The following ERBB3 variants were observed in gnomAD, a reference collection of about 807,000 sequenced individuals.
The protein encoded by ERBB3 is receptor tyrosine-protein kinase erbB-3.
ERBB3 carries 96 observed loss-of-function variants against 156.7 expected under a neutral mutation model. That is an observed-to-expected ratio of 0.61 (90% confidence interval 0.52 to 0.73). The LOEUF (loss-of-function observed/expected upper bound fraction) is 0.73. Ranked by LOEUF, ERBB3 falls within the 30% of genes least tolerant of loss-of-function variation. The probability of loss-of-function intolerance (pLI) is 0.00; values close to 1 mark genes in which losing one functional copy is unlikely to be tolerated. For missense variants in ERBB3, 1,406 were observed against 1,709.4 expected, an observed-to-expected ratio of 0.82 and a Z score of 3.13; for synonymous variants, 567 against 632.0, an observed-to-expected ratio of 0.90 and a Z score of 1.54.
Position 56,088,044 on chromosome 12 carries a change from T to C in ERBB3, c.756T>C (p.Ser252=). ...AGGCCTGCCGGCACTTCAATGACAG[T>C]GGAGCCTGTGTACCTCGCTGTCCAC... is the stretch of plus-strand genomic sequence containing the variant. ...DCFACRHFND[S]GACVPRCPQP... The change falls in exon 7 of 28, where the codon AGT becomes AGC. Residue 252 remains serine, a synonymous_variant. Coordinates refer to ENST00000267101, the MANE Select transcript of ERBB3 (RefSeq NM_001982.4). 1.2e-6 allele frequency: 2 copies of C among 1,614,154 alleles called. No individual in the cohort carries two copies. Among genetic ancestry groups the C allele is most frequent in the Non-Finnish European group, 1.7e-6 (2 of 1,180,008 alleles).
Position 56,101,605 on chromosome 12 carries a change from A to C in ERBB3, c.3579A>C (p.Glu1193Asp). ...TCCTGGGTACTGAAGAAGAAGATGA[A>C]GATGAGGAGTATGAATACATGAACC... ...SSVLGTEEEDEDEEYEYMNRR... is the reference protein window; with the variant it reads ...SSVLGTEEEDDDEEYEYMNRR... Residue 1193 changes from glutamate (E) to aspartate (D), a missense_variant, in exon 28 of 28, where the codon GAA (glutamate) becomes GAC (aspartate). Glu to Asp is a conservative substitution (Grantham distance 45). This residue lies in a region of ERBB3 where 415 missense variants were observed against 454.1 expected (regional missense o/e 0.91). Coordinates refer to ENST00000267101, the MANE Select transcript of ERBB3 (RefSeq NM_001982.4). 6.2e-7 allele frequency: 1 copy of C among 1,614,058 alleles called. No homozygotes were observed. Among genetic ancestry groups the C allele is most frequent in the Non-Finnish European group, 8.5e-7 (1 of 1,180,006 alleles).
rs1332828558 is a variant in ERBB3, at chr12:56,099,635, A to G, written c.2840-13A>G. 3.1e-6 allele frequency: 5 copies of G among 1,609,294 alleles called. No individual in the cohort carries two copies. The African/African-American group carries it at 5.3e-5, about 17-fold the overall frequency. ...TCTCTTTTATGTCTCTACCTCCTAC[A>G]TCTTATCTCCAGGTTGGATGATTGA... On this transcript the variant is annotated splice_polypyrimidine_tract_variant and intron_variant, in intron 23 of 27. Transcript: ENST00000267101.
At position 56,096,612 on chromosome 12, in the gene ERBB3, C is replaced by T. The variant is rs2136817330; in HGVS notation, c.2165C>T (p.Thr722Ile). 6.2e-7 allele frequency: 1 copy of T among 1,614,156 alleles called. No homozygotes were observed. The highest frequency in any genetic ancestry group is 8.5e-7 in the Non-Finnish European group (1 of 1,180,030). Residue 722 changes from threonine to isoleucine, a missense_variant, in exon 18 of 28, where the codon ACT becomes ATT. This residue lies in a region of ERBB3 where 979 missense variants were observed against 1,219.6 expected (regional missense o/e 0.80). Coordinates refer to ENST00000267101, the MANE Select transcript of ERBB3 (RefSeq NM_001982.4). ...GTGCTTGGCTCGGGTGTCTTTGGAA[C>T]TGTGCACAAAGTGAGTGACCCATAG... ...LKVLGSGVFG[T>I]VHKGVWIPEG...
At chr12:56,086,991 A>G (rs772890242) in intron 4 of ERBB3, among the ~76,000 whole-genome samples, 7 of 152,044 alleles carry the variant, frequency 4.6e-5, no homozygotes, top group Non-Finnish European at 8.8e-5. Context: ...TAAAAAAATC[A>G]GACAGGCGTA....
chr12:56,091,211 C>T (rs990252140), intron 9 of ERBB3, among the ~76,000 whole-genome samples: 11 of 138,742 alleles, frequency 7.9e-5, no homozygotes, highest in Admixed American at 7.7e-4. Context: ...AAGCGAGCAC[C>T]TCAGCCCCCT....
intron 2 of ERBB3, 90 bp downstream of exon 2, chr12:56,083,992 G>A: frequency 7.6e-7 from 1 of 1,314,598 alleles, no homozygotes; most frequent in Non-Finnish European, 1.1e-6. Flanking sequence ...TTCTGCTGGA[G>A]TTCACCCTTC....
chr12:56,101,524 C>A lies in ERBB3; in HGVS notation c.3503-5C>A. On this transcript the variant is annotated splice_polypyrimidine_tract_variant and splice_region_variant and intron_variant, in intron 27 of 27. Transcript: ENST00000267101. ...ACATACCTAGCCTTTCTTCTCAACC[C>A]CCAGGTACTCCCTCCTCCCGGGAAG... 6.2e-7 allele frequency: 1 copy of A among 1,613,850 alleles called. No homozygotes were observed. Among genetic ancestry groups the A allele is most frequent in the South Asian group, 1.1e-5 (1 of 91,058 alleles).
At position 56,102,806 on chromosome 12, in the gene ERBB3, T is replaced by TA. The variant is rs4016497; in HGVS notation, c.*779dup. 9,008 of 55,910 alleles carry TA rather than the reference T, an allele frequency of 0.16. 1,853 individuals carry two copies. The highest frequency in any genetic ancestry group is 0.23 in the African/African-American group (2,679 of 11,898). 3.5% of individuals were successfully genotyped at this position (55,910 alleles called of 1,614,324 possible). A position where few individuals can be genotyped will look rare whatever the true frequency, so the allele number is the denominator to read the frequency against. Reference sequence around the variant, plus strand: ...CAACATAGTAAGACCCCCATCTCTTTAAAAAAAAAAAAAAAAAAAAAAAAA... The same window carrying TA: ...CAACATAGTAAGACCCCCATCTCTTTAAAAAAAAAAAAAAAAAAAAAAAAAA... On this transcript the variant is annotated 3_prime_UTR_variant, in exon 28 of 28. Coordinates refer to ENST00000267101, the MANE Select transcript of ERBB3 (RefSeq NM_001982.4).
chr12:56,097,847 A>G lies in ERBB3; in HGVS notation c.2523A>G (p.Leu841=), dbSNP rs1478538113. The change falls in exon 21 of 28, where the codon CTA becomes CTG. Residue 841 remains leucine (L), a synonymous_variant. Coordinates refer to ENST00000267101, the MANE Select transcript of ERBB3 (RefSeq NM_001982.4). Reference sequence around the variant, plus strand: ...GAAACCTGGCTGCCCGAAACGTGCTACTCAAGTCACCCAGTCAGGTTCAGG... The same window carrying G: ...GAAACCTGGCTGCCCGAAACGTGCTGCTCAAGTCACCCAGTCAGGTTCAGG... ...VHRNLAARNV[L]LKSPSQVQVA... is the part of the protein sequence containing the mutation. 2.5e-6 allele frequency: 4 copies of G among 1,614,010 alleles called. No individual in the cohort carries two copies. Among genetic ancestry groups the G allele is most frequent in the Non-Finnish European group, 2.5e-6 (3 of 1,179,998 alleles).
chr12:56,082,092 GCACAGA>G (rs1592224409), intron 1 of ERBB3, among the ~76,000 whole-genome samples: 1 of 152,114 alleles, frequency 6.6e-6, no homozygotes, highest in African/African-American at 2.4e-5. Flanking sequence ...AGCCTTCCAA[GCACAGA>G]CACAAAGTCT....
intron 9 of ERBB3, chr12:56,089,194 C>T (rs1442318642): frequency 6.5e-6 from 3 of 460,186 alleles, no homozygotes; most frequent in Non-Finnish European, 1.3e-5. Flanking sequence ...AGTGCAGTGG[C>T]GTGATCTCGA....
chr12:56,098,686 G>A (rs1466331817), intron 22 of ERBB3, 73 bp from the exon 23 acceptor site: 7 of 1,594,422 alleles, frequency 4.4e-6, no homozygotes, highest in African/African-American at 1.3e-5. Flanking sequence ...GTTAGATCAG[G>A]TTCTGCCTTC....
chr12:56,101,511 T>C lies in ERBB3; in HGVS notation c.3503-18T>C. Reference sequence around the variant, plus strand: ...CATGAAGTTCTTCACATACCTAGCCTTTCTTCTCAACCCCCAGGTACTCCC... The same window carrying C: ...CATGAAGTTCTTCACATACCTAGCCCTTCTTCTCAACCCCCAGGTACTCCC... On this transcript the variant is annotated intron_variant, in intron 27 of 27. Transcript: ENST00000267101. 6.2e-7 allele frequency: 1 copy of C among 1,613,088 alleles called. No homozygotes were observed. The highest frequency in any genetic ancestry group is 8.5e-7 in the Non-Finnish European group (1 of 1,179,516).
Position 56,099,988 on chromosome 12 carries a change from G to A in ERBB3, c.3088G>A (p.Ala1030Thr), listed in dbSNP as rs370221639. Residue 1030 changes from alanine (A) to threonine (T), a missense_variant, in exon 25 of 28, where the codon GCC (alanine) becomes ACC (threonine). Around this residue, in one of 3 missense-constraint regions of ERBB3, gnomAD observed 415 missense variants for 454.1 expected, o/e 0.91. Transcript: ENST00000267101. The part of the protein sequence containing the change: ...DNLATTTLGS[A>T]LSLPVGTLNR... ...CCTGGCAACCACCACACTGGGCTCCGCCCTCAGCCTACCAGTTGGAACACT... is the reference window on the plus strand; with the variant it reads ...CCTGGCAACCACCACACTGGGCTCCACCCTCAGCCTACCAGTTGGAACACT... 5.3e-5 allele frequency: 85 copies of A among 1,614,102 alleles called. 1 individual carries two copies. Among genetic ancestry groups the A allele is most frequent in the East Asian group, 3.6e-4 (16 of 44,898 alleles).
chr12:56,102,085 T>C lies in ERBB3; in HGVS notation c.*30T>C, dbSNP rs1210195146. Reference sequence around the variant, plus strand: ...TGCTCCCTGTGGCACTCAGGGAGCATTTAATGGCAGCTAGTGCCTTTAGAG... The same window carrying C: ...TGCTCCCTGTGGCACTCAGGGAGCACTTAATGGCAGCTAGTGCCTTTAGAG... On this transcript the variant is annotated 3_prime_UTR_variant, in exon 28 of 28. Transcript: ENST00000267101. 30 of 1,591,300 alleles carry C rather than the reference T, an allele frequency of 1.9e-5. No homozygotes were observed. In the Admixed American group the frequency reaches 5.0e-4, roughly 27 times the overall value.
chr12:56,100,400 G>C, intron 26 of ERBB3, 155 bp downstream of exon 26: 1 of 707,408 alleles, frequency 1.4e-6, no homozygotes. Context: ...CCAGCACTTT[G>C]GGAGGCCAGA....
chr12:56,098,945 CTTTTT>C (rs747048773), intron 23 of ERBB3, 40 bp downstream of exon 23: 8 of 1,411,794 alleles, frequency 5.7e-6, no homozygotes, highest in Non-Finnish European at 7.6e-6. Flanking sequence ...CTCTTTTTTT[CTTTTT>C]TTTTCTTTTT....
chr12:56,088,510 C>A, intron 7 of ERBB3, 33 bp from the exon 8 acceptor site: 1 of 1,472,676 alleles, frequency 6.8e-7, no homozygotes, highest in Non-Finnish European at 9.5e-7. Flanking sequence ...GTTCCTCCCT[C>A]ATCTCTAATG....
At chr12:56,098,217 G>C (rs183131399) in intron 21 of ERBB3, 1 of 547,734 alleles carries the variant, frequency 1.8e-6, no homozygotes, top group Non-Finnish European at 3.2e-6. Context: ...ATCCTGGCTA[G>C]CACGGTGAAA....
Sources: gnomAD v4.1 joint callset for allele counts (sites outside exome capture counted in the v4.1 genomes callset) on GRCh38, gnomAD v4.1.1 for gene constraint, gnomAD v4.1.1 regional missense constraint, MANE v1.5 for transcripts, NCBI Gene and HGNC (gene_info 2026-07-23, HGNC 2026-07-21) for gene names.